ABCA12: variants seen among roughly 807,000 people sequenced by gnomAD.
ABCA12 encodes ATP binding cassette subfamily A member 12.
A neutral mutation model predicts 293.5 loss-of-function variants in ABCA12; 156 were observed. The observed-to-expected ratio is 0.53, with a 90% CI of 0.47 to 0.61. The LOEUF is 0.61. ABCA12 is among the 20% of genes least tolerant of loss of function. ABCA12 has a pLI of 0.00. For missense variants in ABCA12, 2,797 were observed against 3,090.2 expected (o/e 0.91, Z 2.25); for synonymous variants, 1,063 against 1,108.0 (o/e 0.96, Z 0.81).
chr2:214,947,925 G>A (rs550656495), intron 47 of ABCA12: 140 of 292,550 alleles, frequency 4.8e-4, no homozygotes, highest in Middle Eastern at 3.9e-3. Context: ...TTACCCCTGC[G>A]TCCTCTTTCT....
At position 214,978,464 on chromosome 2, in the gene ABCA12, G is replaced by C; in HGVS notation, c.4980C>G (p.Val1660=). Residue 1660 remains valine (V), a splice_region_variant and synonymous_variant, in exon 33 of 53, where the codon GTC becomes GTG. Transcript: ENST00000272895. ...GTGACTCTTTGGTCAAGTTCAGAAA[G>C]ACCTAGAAAGAGAAGCCAGATCACT... is the stretch of plus-strand genomic sequence containing the variant. ...YGISDTTVEE[V]FLNLTKESQK... The C allele has an allele frequency of 1.2e-6, 2 of 1,613,018 alleles. No homozygotes were observed. Among genetic ancestry groups the C allele is most frequent in the Non-Finnish European group, 1.7e-6 (2 of 1,179,382 alleles).
intron 2 of ABCA12, among the ~76,000 whole-genome samples, chr2:215,092,464 C>T (rs752275962): frequency 3.9e-5 from 6 of 152,068 alleles, no homozygotes; most frequent in Non-Finnish European, 5.9e-5. Flanking sequence ...TTGTATCCCC[C>T]GACCTTAACC....
chr2:215,121,348 C>G (rs138958591), intron 1 of ABCA12, among the ~76,000 whole-genome samples: 1 of 152,124 alleles, frequency 6.6e-6, no homozygotes. Context: ...CTTTCTGTAA[C>G]CTAGAACTTT....
chr2:215,032,779 C>T (rs1273673568), intron 8 of ABCA12, among the ~76,000 whole-genome samples: 2 of 152,172 alleles, frequency 1.3e-5, no homozygotes, highest in Non-Finnish European at 2.9e-5. Context: ...CAGTATGTCT[C>T]AATGCTGTCA....
intron 2 of ABCA12, among the ~76,000 whole-genome samples, chr2:215,095,916 T>TATCTTCC (rs1326044432): frequency 1.3e-5 from 2 of 148,194 alleles, no homozygotes; most frequent in East Asian, 3.9e-4. Context: ...GCCCCACCCC[T>TATCTTCC]ATCTTCCTTT....
Position 215,011,543 on chromosome 2 carries a change from A to G in ABCA12, c.2228T>C (p.Leu743Pro). 20 of 1,614,114 alleles carry G rather than the reference A, an allele frequency of 1.2e-5. No homozygotes were observed. Among genetic ancestry groups the G allele is most frequent in the Non-Finnish European group, 1.7e-5 (20 of 1,179,948 alleles). ...GITTEYLTAMLPSSQRPKGNH... is the reference protein window; with the variant it reads ...GITTEYLTAMPPSSQRPKGNH... Reference sequence around the variant, plus strand: ...GCCTTTTGGCCTCTGGGAAGAGGGCAGCATGGCAGTTAAATATTCAGTGGT... The same window carrying G: ...GCCTTTTGGCCTCTGGGAAGAGGGCGGCATGGCAGTTAAATATTCAGTGGT... The change falls in exon 17 of 53, where the codon CTG (leucine) becomes CCG (proline). Residue 743 changes from leucine (L) to proline (P), a missense_variant. By Grantham distance (98) the Leu-to-Pro change is moderately conservative. Around this residue, in one of 3 missense-constraint regions of ABCA12, gnomAD observed 2,130 missense variants for 2,427.0 expected, o/e 0.88. Transcript: ENST00000272895.
chr2:215,073,524 G>A (rs1701778218), intron 2 of ABCA12, among the ~76,000 whole-genome samples: 1 of 151,950 alleles, frequency 6.6e-6, no homozygotes, highest in African/African-American at 2.4e-5. Flanking sequence ...GCCTGGTGCT[G>A]GTGGGTAAAG....
At chr2:214,975,114 G>A (rs1699482743) in intron 34 of ABCA12, among the ~76,000 whole-genome samples, 1 of 152,158 alleles carries the variant, frequency 6.6e-6, no homozygotes, top group African/African-American at 2.4e-5. Context: ...GCAGGTGATT[G>A]CCACCAGGCC....
chr2:215,065,297 T>TTA (rs1701619469), intron 2 of ABCA12, among the ~76,000 whole-genome samples: 1 of 45,138 alleles, frequency 2.2e-5, no homozygotes, highest in East Asian at 8.4e-4. Context: ...CATGAATGTG[T>TTA]AAAAAAAAAA....
At chr2:215,090,005 A>G (rs1272368452) in intron 2 of ABCA12, among the ~76,000 whole-genome samples, 1 of 152,176 alleles carries the variant, frequency 6.6e-6, no homozygotes, top group African/African-American at 2.4e-5. Context: ...GAAGAACCAC[A>G]AAAGAAGTGA....
intron 28 of ABCA12, among the ~76,000 whole-genome samples, 177 bp from the exon 29 acceptor site, chr2:214,984,042 T>C (rs993054834): frequency 2.0e-5 from 3 of 151,290 alleles, no homozygotes; most frequent in African/African-American, 7.3e-5. Context: ...AAGTTTTTAA[T>C]AATTCAGAGT....
intron 18 of ABCA12, among the ~76,000 whole-genome samples, chr2:215,008,421 T>C (rs1700300673): frequency 6.6e-6 from 1 of 151,490 alleles, no homozygotes; most frequent in Non-Finnish European, 1.5e-5. Context: ...ACACAAAACA[T>C]TGGAAACAAA....
At chr2:215,114,649 T>C (rs551859535) in intron 1 of ABCA12, among the ~76,000 whole-genome samples, 59 of 152,320 alleles carry the variant, frequency 3.9e-4, no homozygotes, top group African/African-American at 1.4e-3. Context: ...GCTACAGAAA[T>C]GTAAGACGTG....
chr2:215,113,422 T>C (rs1422645940), intron 1 of ABCA12, among the ~76,000 whole-genome samples: 1 of 152,240 alleles, frequency 6.6e-6, no homozygotes, highest in African/African-American at 2.4e-5. Context: ...CAAACACTAG[T>C]GTGGACTTCC....
At chr2:214,998,588 TCCTCAAGC>T (rs1368714117) in intron 22 of ABCA12, among the ~76,000 whole-genome samples, 8 of 152,198 alleles carry the variant, frequency 5.3e-5, no homozygotes, top group Non-Finnish European at 1.0e-4. Flanking sequence ...CTGGAAGACA[TCCTCAAGC>T]CCAGATGTAT....
chr2:215,025,727 G>A lies in ABCA12; in HGVS notation c.1233C>T (p.Arg411=), dbSNP rs1489200968. ...STIRFKKSFL[R]NGSYEDYFPP... Reference sequence around the variant, plus strand: ...GAAAGTAATCTTCATAGGAACCATTGCGAAGAAAAGATTTTTTAAATCGTA... The same window carrying A: ...GAAAGTAATCTTCATAGGAACCATTACGAAGAAAAGATTTTTTAAATCGTA... Residue 411 remains arginine (R), a synonymous_variant, in exon 11 of 53, where the codon CGC becomes CGT. Transcript: ENST00000272895. 1 of 1,611,104 alleles carries A rather than the reference G, an allele frequency of 6.2e-7. No individual in the cohort carries two copies. Among genetic ancestry groups the A allele is most frequent in the South Asian group, 1.1e-5 (1 of 90,982 alleles).
chr2:214,991,875 G>T (rs1160279846), intron 23 of ABCA12, among the ~76,000 whole-genome samples: 1 of 152,182 alleles, frequency 6.6e-6, no homozygotes, highest in East Asian at 1.9e-4. Flanking sequence ...ACACACCAGG[G>T]CCTGTCGGGG....
chr2:215,046,155 C>A, intron 6 of ABCA12, 140 bp from the exon 7 acceptor site: 2 of 795,722 alleles, frequency 2.5e-6, no homozygotes, highest in South Asian at 3.7e-5. Flanking sequence ...TGAAGCCAAT[C>A]TTTTATTTGG....
intron 6 of ABCA12, among the ~76,000 whole-genome samples, chr2:215,046,728 T>G (rs1701210921): frequency 6.6e-6 from 1 of 152,098 alleles, no homozygotes. Flanking sequence ...TATGTGGGGT[T>G]GCATTAAATG....
Sources: gnomAD v4.1 joint callset for allele counts (sites outside exome capture counted in the v4.1 genomes callset) on GRCh38, gnomAD v4.1.1 for gene constraint, gnomAD v4.1.1 regional missense constraint, MANE v1.5 for transcripts, NCBI Gene and HGNC (gene_info 2026-07-23, HGNC 2026-07-21) for gene names.